EFCAB8: variants seen among roughly 807,000 people sequenced by gnomAD.
EFCAB8 encodes EF-hand calcium binding domain 8.
In EFCAB8, 100 loss-of-function variants were observed where a neutral mutation model predicts 116.3. The ratio of observed to expected loss-of-function variants is 0.86; its 90% CI spans 0.73 to 1.02. The LOEUF (loss-of-function observed/expected upper bound fraction) is 1.02, where lower values mean the gene tolerates loss of function less well. Among genes scored for constraint, EFCAB8 ranks in the 50% least tolerant of loss-of-function variants. EFCAB8 has a pLI of 0.00. For missense variants in EFCAB8, 1,320 were observed against 1,416.9 expected, an observed-to-expected ratio of 0.93 and a Z score of 1.10; for synonymous variants, 558 against 567.9, an observed-to-expected ratio of 0.98 and a Z score of 0.25.
chr20:32,926,289 T>A (rs1987665872), intron 20 of EFCAB8, among the ~76,000 whole-genome samples: 1 of 152,208 alleles, frequency 6.6e-6, no homozygotes, highest in African/African-American at 2.4e-5. Context: ...GGAATGTGCT[T>A]ATGACAAAAT....
chr20:32,960,943 C>T (rs1989129641), intron 26 of EFCAB8, among the ~76,000 whole-genome samples, 193 bp from the exon 27 acceptor site: 1 of 152,214 alleles, frequency 6.6e-6, no homozygotes, highest in South Asian at 2.1e-4. Flanking sequence ...GGGCTGGGCA[C>T]CTGGCCTGGT....
intron 14 of EFCAB8, 124 bp from the exon 15 acceptor site, chr20:32,909,697 T>A: frequency 4.6e-6 from 2 of 433,204 alleles, no homozygotes; most frequent in Admixed American, 8.8e-5. Flanking sequence ...CTTGCTGGAA[T>A]CAGGCCTGCG....
At chr20:32,884,819 C>T (rs1289441132) in intron 5 of EFCAB8, among the ~76,000 whole-genome samples, 6 of 152,132 alleles carry the variant, frequency 3.9e-5, no homozygotes, top group East Asian at 1.9e-4. Context: ...CATGCCATGC[C>T]ATGTTGGGAA....
chr20:32,937,717 C>G (rs1988176327), intron 22 of EFCAB8, among the ~76,000 whole-genome samples: 1 of 150,732 alleles, frequency 6.6e-6, no homozygotes, highest in Non-Finnish European at 1.5e-5. Flanking sequence ...CTCCGGGGTT[C>G]AAGTGATTCT....
chr20:32,907,077 C>G (rs147186752), intron 13 of EFCAB8, 83 bp downstream of exon 13: 1 of 1,442,960 alleles, frequency 6.9e-7, no homozygotes, highest in African/African-American at 1.4e-5. Context: ...TCCCTGCCCA[C>G]GGCCCCACAT....
chr20:32,862,836 C>T (rs1984183388), intron 1 of EFCAB8, among the ~76,000 whole-genome samples: 1 of 151,960 alleles, frequency 6.6e-6, no homozygotes, highest in Non-Finnish European at 1.5e-5. Context: ...AATATGTTGG[C>T]CAGGCTGGTC....
At position 32,911,609 on chromosome 20, in the gene EFCAB8, C is replaced by A. The variant is rs566866666; in HGVS notation, c.1687C>A (p.Arg563=). ...CGCCATGGCCCTGGATGAGTCAGAGCGGTGCCTGCTCACAGGTTTGCGGGA... is the reference window on the plus strand; with the variant it reads ...CGCCATGGCCCTGGATGAGTCAGAGAGGTGCCTGCTCACAGGTTTGCGGGA... ...MTAMALDESE[R]CLLTGLRDGT... is the part of the protein sequence containing the mutation. The change falls in exon 16 of 27, where the codon CGG becomes AGG. Residue 563 remains arginine (R), a synonymous_variant. Transcript: ENST00000400522. 1.4e-5 allele frequency: 22 copies of A among 1,551,280 alleles called. No homozygotes were observed. Among genetic ancestry groups the A allele is most frequent in the Middle Eastern group, 1.7e-4 (1 of 6,014 alleles).
chr20:32,896,324 AG>A (rs1039529317), intron 9 of EFCAB8, 129 bp from the exon 10 acceptor site: 12 of 634,636 alleles, frequency 1.9e-5, no homozygotes, highest in Non-Finnish European at 2.3e-5. Flanking sequence ...GGTGCCAGTG[AG>A]GGTTTGGGTG....
chr20:32,938,749 T>A (rs1988218583), intron 22 of EFCAB8, among the ~76,000 whole-genome samples: 1 of 149,664 alleles, frequency 6.7e-6, no homozygotes. Context: ...GAAAATTGCA[T>A]AACATTATGG....
In EFCAB8 at chr20:32,899,253, T is replaced by C. The variant is rs1049235977; in HGVS notation, c.1088+630T>C. Among the ~76,000 whole-genome samples, 4 of 150,142 alleles carry C rather than the reference T, an allele frequency of 2.7e-5. 1 individual carries two copies. In the South Asian group the frequency reaches 6.3e-4, roughly 24 times the overall value. ...ACAATAATAATAATAATAATAATAA[T>C]AATTAGCCGGGCGTGGTGGTAAGCA... On this transcript the variant is annotated intron_variant, in intron 11 of 26. Coordinates refer to ENST00000400522, the MANE Select transcript of EFCAB8 (RefSeq NM_001143967.2).
chr20:32,906,995 G>A lies in EFCAB8; in HGVS notation c.1308+1G>A. The A allele has an allele frequency of 6.6e-7, 1 of 1,505,234 alleles. No homozygotes were observed. Among genetic ancestry groups the A allele is most frequent in the South Asian group, 1.3e-5 (1 of 75,638 alleles). 93.2% of individuals were successfully genotyped at this position (1,505,234 alleles called of 1,614,324 possible). On this transcript the variant is annotated splice_donor_variant, in intron 13 of 26. Coordinates refer to ENST00000400522, the MANE Select transcript of EFCAB8 (RefSeq NM_001143967.2). LOFTEE classifies it high-confidence loss of function. ...CCTCATCAGTGTCTCCAAGGACAAG[G>A]TCCGCCCCGACGGTCCGCCTGACTC... is the stretch of plus-strand genomic sequence containing the variant.
intron 11 of EFCAB8, among the ~76,000 whole-genome samples, chr20:32,901,742 C>T (rs978178672): frequency 1.3e-5 from 2 of 152,232 alleles, no homozygotes; most frequent in Non-Finnish European, 2.9e-5. Flanking sequence ...GGCTGGAGTG[C>T]GGTGGTGTAA....
At chr20:32,939,121 CTTTCTCTTTCTTTCTTTCTT>C (rs1197354945) in intron 22 of EFCAB8, among the ~76,000 whole-genome samples, 3 of 114,924 alleles carry the variant, frequency 2.6e-5, no homozygotes, top group East Asian at 2.4e-4. Context: ...TTCTCTCTTT[CTTTCTCTTTCTTTCTTTCTT>C]TCTTTCTTTC....
Position 32,858,960 on chromosome 20 carries a change from C to A in EFCAB8, c.-57C>A, listed in dbSNP as rs113495651. Reference sequence around the variant, plus strand: ...GGAGTTGGAAAGTGTTAGCACTTTGCCAGACTTTGCCAGCAAGATTAACTG... The same window carrying A: ...GGAGTTGGAAAGTGTTAGCACTTTGACAGACTTTGCCAGCAAGATTAACTG... On this transcript the variant is annotated 5_prime_UTR_variant, in exon 1 of 27. Transcript: ENST00000400522. 0.013 allele frequency: 5,970 copies of A among 470,850 alleles called. 54 individuals are homozygous for A. Among genetic ancestry groups the A allele is most frequent in the Non-Finnish European group, 0.018 (4,181 of 226,934 alleles). 29.2% of individuals were successfully genotyped at this position (470,850 alleles called of 1,614,324 possible). A position where few individuals can be genotyped will look rare whatever the true frequency, so the allele number is the denominator to read the frequency against.
chr20:32,957,251 T>C lies in EFCAB8; in HGVS notation c.2960-1170T>C, dbSNP rs572456647. 7.9e-5 allele frequency among the ~76,000 whole-genome samples: 12 copies of C among 152,128 alleles called. No individual in the cohort carries two copies. The South Asian group carries it at 8.3e-4, about 11-fold the overall frequency. On this transcript the variant is annotated intron_variant, in intron 23 of 26. Coordinates refer to ENST00000400522, the MANE Select transcript of EFCAB8 (RefSeq NM_001143967.2). ...AATCTTCTGGAGGGCCCACTTCTAA[T>C]GCCTATTTCTTCTCTTGATTATTGG...
Position 32,961,256 on chromosome 20 carries a change from C to A in EFCAB8, c.3514C>A (p.His1172Asn). Residue 1172 changes from histidine (H) to asparagine (N), a missense_variant, in exon 27 of 27, where the codon CAT (histidine) becomes AAT (asparagine). His to Asn is a moderately conservative substitution (Grantham distance 68). Transcript: ENST00000400522. ...QDQHIRLVAHHVQKDLVPSRE... is the reference protein window; with the variant it reads ...QDQHIRLVAHNVQKDLVPSRE... ...CCAGCACATCCGCCTGGTGGCCCAC[C>A]ATGTCCAGAAGGACCTGGTGCCCAG... 1 of 1,551,460 alleles carries A rather than the reference C, an allele frequency of 6.4e-7. No homozygotes were observed. The highest frequency in any genetic ancestry group is 1.2e-5 in the South Asian group (1 of 83,990).
intron 23 of EFCAB8, among the ~76,000 whole-genome samples, chr20:32,952,128 G>T (rs538592257): frequency 6.6e-6 from 1 of 152,226 alleles, no homozygotes; most frequent in Admixed American, 6.5e-5. Flanking sequence ...AGCCAGTTGT[G>T]GTGGTGCATG....
intron 11 of EFCAB8, among the ~76,000 whole-genome samples, chr20:32,905,098 C>T (rs1449583377): frequency 2.0e-5 from 3 of 152,196 alleles, no homozygotes; most frequent in Non-Finnish European, 1.5e-5. Context: ...GAGCCTCACC[C>T]GGCCCTAATG....
chr20:32,890,346 A>G (rs1025429238), intron 7 of EFCAB8, among the ~76,000 whole-genome samples: 18 of 152,288 alleles, frequency 1.2e-4, no homozygotes, highest in African/African-American at 3.6e-4. Flanking sequence ...TACTTCCTCC[A>G]GGAAGCCCTC....
Sources: gnomAD v4.1 joint callset for allele counts (sites outside exome capture counted in the v4.1 genomes callset) on GRCh38, gnomAD v4.1.1 for gene constraint, MANE v1.5 for transcripts, NCBI Gene and HGNC (gene_info 2026-07-23, HGNC 2026-07-21) for gene names.